Variants in VIT observed in about 807,000 individuals in gnomAD.
The protein encoded by VIT is vitrin.
VIT carries 99 observed loss-of-function variants against 78.0 expected under a neutral mutation model. That is an observed-to-expected ratio of 1.27 (90% CI 1.08 to 1.50). The LOEUF is 1.50. VIT is among the 40% of genes most tolerant of loss of function. The pLI is 0.00. For missense variants in VIT, 1,126 were observed against 875.3 expected (o/e 1.29, Z -3.61); for synonymous variants, 374 against 334.3 (o/e 1.12, Z -1.29).
intron 3 of VIT, among the ~76,000 whole-genome samples, chr2:36,736,168 A>T (rs1667498354): frequency 6.6e-6 from 1 of 152,216 alleles, no homozygotes; most frequent in African/African-American, 2.4e-5. Flanking sequence ...AACCTACTCA[A>T]GCAGTTTCTA....
At chr2:36,774,948 GA>G in intron 8 of VIT, 53 bp from the exon 9 acceptor site, 1 of 1,598,344 alleles carries the variant, frequency 6.3e-7, no homozygotes, top group Non-Finnish European at 8.5e-7. Context: ...AATAAGGAAA[GA>G]AAGCAGCCTG....
intron 4 of VIT, among the ~76,000 whole-genome samples, chr2:36,745,732 A>G (rs1008225064): frequency 3.9e-5 from 6 of 152,158 alleles, no homozygotes; most frequent in African/African-American, 1.4e-4. Context: ...TTTTCTAGGT[A>G]TAGAGTCATA....
At chr2:36,723,239 T>C (rs966172414) in intron 2 of VIT, among the ~76,000 whole-genome samples, 1 of 152,180 alleles carries the variant, frequency 6.6e-6, no homozygotes, top group Middle Eastern at 3.2e-3. Flanking sequence ...TTCAACATTT[T>C]ATGATTTCCA....
intron 4 of VIT, among the ~76,000 whole-genome samples, chr2:36,744,574 GTGA>G (rs1301763397): frequency 6.6e-6 from 1 of 152,172 alleles, no homozygotes; most frequent in Non-Finnish European, 1.5e-5. Flanking sequence ...CTGATGATTA[GTGA>G]TGATGAGTAT....
chr2:36,699,540 A>G lies in VIT; in HGVS notation c.-19+2567A>G, dbSNP rs534255264. ...GTTATATATATATATACACACACAT[A>G]TATATAGATGTCTCCATATTCTTCA... On this transcript the variant is annotated intron_variant, in intron 1 of 15. Transcript: ENST00000379242. Among the ~76,000 whole-genome samples, 4 of 152,006 alleles carry G rather than the reference A, an allele frequency of 2.6e-5. No individual in the cohort carries two copies. The East Asian group carries it at 5.8e-4, about 22-fold the overall frequency.
chr2:36,729,368 G>A, intron 2 of VIT, 58 bp from the exon 3 acceptor site: 3 of 1,464,588 alleles, frequency 2.0e-6, no homozygotes, highest in Non-Finnish European at 1.9e-6. Context: ...TGAGTCAAAA[G>A]AGAAAGAATT....
At chr2:36,776,450 T>C (rs1224315493) in intron 9 of VIT, among the ~76,000 whole-genome samples, 1 of 152,010 alleles carries the variant, frequency 6.6e-6, no homozygotes, top group African/African-American at 2.4e-5. Flanking sequence ...CAGTTTTTTT[T>C]CAGTAAAAAT....
chr2:36,755,250 T>C (rs1668694128), intron 5 of VIT, among the ~76,000 whole-genome samples, 196 bp downstream of exon 5: 1 of 152,196 alleles, frequency 6.6e-6, no homozygotes, highest in African/African-American at 2.4e-5. Context: ...TATCTGAAAA[T>C]ACTAAAAGGC....
At chr2:36,733,458 A>G (rs982539933) in intron 3 of VIT, among the ~76,000 whole-genome samples, 5 of 152,224 alleles carry the variant, frequency 3.3e-5, no homozygotes, top group African/African-American at 9.6e-5. Flanking sequence ...TAAAAGGAGC[A>G]TGGTCCTCAG....
Position 36,696,775 on chromosome 2 carries a change from T to G in VIT, c.-217T>G, listed in dbSNP as rs1664709642. On this transcript the variant is annotated 5_prime_UTR_variant, in exon 1 of 16. Coordinates refer to ENST00000379242, the MANE Select transcript of VIT (RefSeq NM_053276.4). ...GTGTGGGGGGGGGTGTAAAATGTGT[T>G]TTTCAAAGTACTGAGAGGTTGATGG... The G allele has an allele frequency of 6.6e-6, 1 of 151,978 alleles. No homozygotes were observed. The highest frequency in any genetic ancestry group is 1.5e-5 in the Non-Finnish European group (1 of 68,006). The allele number at this position is 151,978 out of a possible 1,614,324, so 9.4% of individuals were successfully genotyped here.
chr2:36,779,875 T>C (rs1199235448), intron 9 of VIT, among the ~76,000 whole-genome samples: 1 of 152,226 alleles, frequency 6.6e-6, no homozygotes, highest in African/African-American at 2.4e-5. Context: ...CTCCTCCATG[T>C]GACAGTGTAG....
intron 2 of VIT, among the ~76,000 whole-genome samples, chr2:36,717,349 T>C (rs1666221250): frequency 1.6e-5 from 2 of 123,744 alleles, no homozygotes; most frequent in African/African-American, 7.1e-5. Flanking sequence ...TGTGTGTGTG[T>C]GTGTGTGTGT....
At chr2:36,759,408 A>G (rs1367278039) in intron 6 of VIT, 7 of 1,320,756 alleles carry the variant, frequency 5.3e-6, no homozygotes, top group Non-Finnish European at 6.8e-6. Flanking sequence ...CTACTTAGAT[A>G]TGAAATGAAG....
intron 12 of VIT, among the ~76,000 whole-genome samples, chr2:36,800,187 A>T (rs1267471084): frequency 6.6e-6 from 1 of 152,136 alleles, no homozygotes; most frequent in African/African-American, 2.4e-5. Flanking sequence ...TCTACTAAAA[A>T]TACAAAAATT....
intron 3 of VIT, among the ~76,000 whole-genome samples, chr2:36,733,344 C>T (rs939100456): frequency 6.9e-6 from 1 of 144,372 alleles, no homozygotes. Flanking sequence ...CTCTCTCTCT[C>T]CCCCCCTCTC....
chr2:36,729,230 G>C (rs1297636932), intron 2 of VIT, among the ~76,000 whole-genome samples, 196 bp from the exon 3 acceptor site: 1 of 151,974 alleles, frequency 6.6e-6, no homozygotes, highest in Non-Finnish European at 1.5e-5. Flanking sequence ...CTACAATATC[G>C]GCACAATGAT....
intron 6 of VIT, among the ~76,000 whole-genome samples, chr2:36,761,038 C>T (rs1669086700): frequency 6.6e-6 from 1 of 152,158 alleles, no homozygotes; most frequent in South Asian, 2.1e-4. Flanking sequence ...ACATGTCAAG[C>T]ACCCCCTATT....
At chr2:36,780,051 G>A (rs905133107) in intron 9 of VIT, among the ~76,000 whole-genome samples, 1 of 152,184 alleles carries the variant, frequency 6.6e-6, no homozygotes, top group African/African-American at 2.4e-5. Context: ...GAATACAAAT[G>A]TTCTCACAAA....
intron 12 of VIT, among the ~76,000 whole-genome samples, chr2:36,797,921 G>C (rs755268319): frequency 6.6e-6 from 1 of 152,212 alleles, no homozygotes; most frequent in Non-Finnish European, 1.5e-5. Flanking sequence ...GAGATTGTCA[G>C]CTGGGGCTGG....
Sources: allele counts gnomAD v4.1 joint callset (sites outside exome capture counted in the v4.1 genomes callset), GRCh38; gene constraint gnomAD v4.1.1; transcripts MANE v1.5; gene names NCBI Gene and HGNC (gene_info 2026-07-23, HGNC 2026-07-21).